RAD21: variants seen among roughly 807,000 people sequenced by gnomAD.
RAD21 encodes double-strand-break repair protein rad21 homolog.
Under a neutral mutation model 71.5 loss-of-function variants are expected in RAD21, and 18 were observed. The ratio of observed to expected loss-of-function variants is 0.25; its 90% confidence interval spans 0.17 to 0.37. The LOEUF (loss-of-function observed/expected upper bound fraction) is 0.37. RAD21 is among the 10% of genes least tolerant of loss of function. The pLI is 1.00. For synonymous variants in RAD21, 248 were observed against 254.0 expected, an observed-to-expected ratio of 0.98 and a Z score of 0.22; for missense variants, 493 against 769.1, an observed-to-expected ratio of 0.64 and a Z score of 4.25.
chr8:116,848,329 G>A (rs1812285280), intron 13 of RAD21, among the ~76,000 whole-genome samples: 1 of 152,142 alleles, frequency 6.6e-6, no homozygotes, highest in Non-Finnish European at 1.5e-5. Flanking sequence ...CAAGAAACCA[G>A]CAAAATTGTT....
intron 5 of RAD21, 72 bp from the exon 6 acceptor site, chr8:116,857,545 T>C (rs1183250633): frequency 3.3e-6 from 4 of 1,208,700 alleles, no homozygotes; most frequent in Non-Finnish European, 4.7e-6. Flanking sequence ...AAACTGCTAA[T>C]GATTTATTCT....
intron 8 of RAD21, 38 bp downstream of exon 8, chr8:116,856,128 G>A (rs948340852): frequency 2.5e-6 from 4 of 1,589,898 alleles, no homozygotes; most frequent in Middle Eastern, 1.7e-4. Context: ...AGGACCTTAT[G>A]TTGTATGCTG....
At position 116,851,953 on chromosome 8, in the gene RAD21, T is replaced by C. The variant is rs774346434; in HGVS notation, c.1465A>G (p.Met489Val). 1.2e-6 allele frequency: 2 copies of C among 1,607,246 alleles called. No homozygotes were observed. Among genetic ancestry groups the C allele is most frequent in the African/African-American group, 1.3e-5 (1 of 74,930 alleles). The change falls in exon 11 of 14, where the codon ATG becomes GTG. Residue 489 changes from methionine (M) to valine (V), a missense_variant. Around this residue, in one of 5 missense-constraint regions of RAD21, gnomAD observed 225 missense variants for 218.3 expected, o/e 1.03. Coordinates refer to ENST00000297338, the MANE Select transcript of RAD21 (RefSeq NM_006265.3). ...GGATAGATTTGCTTACTTACAGGCA[T>C]CACAGGCTCTGGGTCAATTTGTCCA... is the stretch of plus-strand genomic sequence containing the variant. ...KAGQIDPEPV[M>V]PPQQVEQMEI...
chr8:116,859,152 A>G (rs1812532484), intron 4 of RAD21, among the ~76,000 whole-genome samples: 1 of 151,052 alleles, frequency 6.6e-6, no homozygotes, highest in Admixed American at 6.6e-5. Flanking sequence ...TTGAATGCTG[A>G]CTGGCTATCA....
At position 116,848,937 on chromosome 8, in the gene RAD21, C is replaced by T. The variant is rs765040926; in HGVS notation, c.1704+9G>A. On this transcript the variant is annotated intron_variant, in intron 13 of 13. Coordinates refer to ENST00000297338, the MANE Select transcript of RAD21 (RefSeq NM_006265.3). ...GAAGCATTTTCCTCTGAGACAACAGCGGCAATACCTGAAGACCATGAAGCA... is the reference window on the plus strand; with the variant it reads ...GAAGCATTTTCCTCTGAGACAACAGTGGCAATACCTGAAGACCATGAAGCA... 1.1e-5 allele frequency: 18 copies of T among 1,596,310 alleles called. No homozygotes were observed. The highest frequency in any genetic ancestry group is 8.6e-5 in the Admixed American group (5 of 57,926).
chr8:116,859,873 T>C (rs1390538309), intron 4 of RAD21, among the ~76,000 whole-genome samples: 2 of 152,190 alleles, frequency 1.3e-5, no homozygotes, highest in Non-Finnish European at 2.9e-5. Context: ...CTAGGCCTCT[T>C]GCACCAAACA....
At chr8:116,865,418 T>C (rs925682516) in intron 2 of RAD21, among the ~76,000 whole-genome samples, 3 of 143,168 alleles carry the variant, frequency 2.1e-5, no homozygotes, top group African/African-American at 8.0e-5. Context: ...CATTAACTTA[T>C]CCCAGTAAGC....
chr8:116,856,942 TA>T (rs1257927021), intron 6 of RAD21, among the ~76,000 whole-genome samples, 171 bp from the exon 7 acceptor site: 5 of 151,646 alleles, frequency 3.3e-5, no homozygotes, highest in Non-Finnish European at 5.9e-5. Flanking sequence ...ACTTGGTATA[TA>T]AAAAAAAATT....
intron 2 of RAD21, 103 bp from the exon 3 acceptor site, chr8:116,863,362 TTC>T: frequency 8.0e-7 from 1 of 1,256,294 alleles, no homozygotes; most frequent in Non-Finnish European, 1.1e-6. Context: ...TCACATACAT[TTC>T]TCTGTCCTTA....
intron 2 of RAD21, among the ~76,000 whole-genome samples, chr8:116,864,662 C>G (rs1237931585): frequency 6.6e-6 from 1 of 151,970 alleles, no homozygotes; most frequent in Non-Finnish European, 1.5e-5. Flanking sequence ...ATTGATTGAA[C>G]CTTCACCTAA....
chr8:116,853,111 C>T (rs996160251), intron 9 of RAD21, among the ~76,000 whole-genome samples: 73 of 152,190 alleles, frequency 4.8e-4, no homozygotes, highest in African/African-American at 1.6e-3. Flanking sequence ...TGGAGTCTCA[C>T]TCTGTCGCCC....
At chr8:116,873,812 C>T (rs781299593) in intron 1 of RAD21, among the ~76,000 whole-genome samples, 3 of 152,140 alleles carry the variant, frequency 2.0e-5, no homozygotes, top group African/African-American at 7.2e-5. Flanking sequence ...ACGAAAAGGG[C>T]ATCAAGCATT....
rs1406310729 is a variant in RAD21, at chr8:116,854,395, A to G, written c.1011T>C (p.Ile337=). 2 of 1,613,848 alleles carry G rather than the reference A, an allele frequency of 1.2e-6. No individual in the cohort carries two copies. Among genetic ancestry groups the G allele is most frequent in the East Asian group, 2.2e-5 (1 of 44,874 alleles). Residue 337 remains isoleucine, a synonymous_variant, in exon 9 of 14, where the codon ATT becomes ATC. Coordinates refer to ENST00000297338, the MANE Select transcript of RAD21 (RefSeq NM_006265.3). ...DSVKELDSKT[I]RAQLSDYSDI... Reference sequence around the variant, plus strand: ...CTGAATAATCACTAAGTTGGGCTCTAATTGTCTTGCTATCCAACTCTTTGA... The same window carrying G: ...CTGAATAATCACTAAGTTGGGCTCTGATTGTCTTGCTATCCAACTCTTTGA...
chr8:116,860,330 C>G (rs1476636763), intron 4 of RAD21, among the ~76,000 whole-genome samples: 1 of 152,132 alleles, frequency 6.6e-6, no homozygotes, highest in African/African-American at 2.4e-5. Context: ...GGGTTTCAGA[C>G]GATTAGCTCT....
In RAD21 at chr8:116,849,042, G is replaced by T; in HGVS notation, c.1621-13C>A. 6.4e-7 allele frequency: 1 copy of T among 1,556,430 alleles called. No homozygotes were observed. Among genetic ancestry groups the T allele is most frequent in the Non-Finnish European group, 8.7e-7 (1 of 1,154,028 alleles). On this transcript the variant is annotated splice_polypyrimidine_tract_variant and intron_variant, in intron 12 of 13. Transcript: ENST00000297338. ...ATGCATCTTCATCCTGAATAAAAAT[G>T]ACCCCCAAAAAGCTGACAAAACAAG...
At chr8:116,870,757 ACTAT>A (rs1812804475) in intron 1 of RAD21, among the ~76,000 whole-genome samples, 1 of 152,246 alleles carries the variant, frequency 6.6e-6, no homozygotes, top group Non-Finnish European at 1.5e-5. Context: ...CTTCTAGAAT[ACTAT>A]CTGTGGCATG....
intron 2 of RAD21, among the ~76,000 whole-genome samples, chr8:116,866,082 T>C (rs893734041): frequency 4.6e-5 from 7 of 152,178 alleles, no homozygotes; most frequent in Non-Finnish European, 8.8e-5. Context: ...GAATAGTCTG[T>C]GCTCTGCCTA....
intron 3 of RAD21, among the ~76,000 whole-genome samples, chr8:116,862,922 T>C (rs1363537284): frequency 1.3e-5 from 2 of 152,120 alleles, no homozygotes; most frequent in African/African-American, 4.8e-5. Context: ...GTGAGCTCCA[T>C]TACTTCACAG....
In RAD21 at chr8:116,846,225, A is replaced by G. The variant is rs1812250673; in HGVS notation, c.*1275T>C. The G allele has an allele frequency of 4.3e-6, 1 of 231,188 alleles. No individual in the cohort carries two copies. Among genetic ancestry groups the G allele is most frequent in the South Asian group, 1.8e-4 (1 of 5,510 alleles). The allele number at this position is 231,188 out of a possible 1,614,324, so 14.3% of individuals were successfully genotyped here. ...TCATTAAAACAGTAATTACGAGTTCACAAATTTAAAACATTTCACATAATT... is the reference window on the plus strand; with the variant it reads ...TCATTAAAACAGTAATTACGAGTTCGCAAATTTAAAACATTTCACATAATT... On this transcript the variant is annotated 3_prime_UTR_variant, in exon 14 of 14. Coordinates refer to ENST00000297338, the MANE Select transcript of RAD21 (RefSeq NM_006265.3).
Sources: allele counts gnomAD v4.1 joint callset (sites outside exome capture counted in the v4.1 genomes callset), GRCh38; gene constraint gnomAD v4.1.1; regional missense constraint gnomAD v4.1.1; transcripts MANE v1.5; gene names NCBI Gene and HGNC (gene_info 2026-07-23, HGNC 2026-07-21).